PLCG2: variants seen among roughly 807,000 people sequenced by gnomAD.
PLCG2 encodes 1-phosphatidylinositol 4,5-bisphosphate phosphodiesterase gamma-2.
In PLCG2, 69 loss-of-function variants were observed where a neutral mutation model predicts 175.6. The ratio of observed to expected loss-of-function variants is 0.39; its 90% CI spans 0.32 to 0.48. The LOEUF is 0.48. Ranked by LOEUF, PLCG2 falls within the 20% of genes least tolerant of loss-of-function variation. The probability of loss-of-function intolerance (pLI) is 0.91; values close to 1 mark genes in which losing one functional copy is unlikely to be tolerated. For synonymous variants in PLCG2, 827 were observed against 624.0 expected, an observed-to-expected ratio of 1.33 and a Z score of -4.85; for missense variants, 1,798 against 1,650.9, an observed-to-expected ratio of 1.09 and a Z score of -1.54.
intron 14 of PLCG2, among the ~76,000 whole-genome samples, chr16:81,903,450 C>T (rs941040022): frequency 1.3e-5 from 2 of 152,236 alleles, no homozygotes; most frequent in Non-Finnish European, 2.9e-5. Flanking sequence ...GACTGTGACC[C>T]TTAAGGTACA....
At chr16:81,876,949 G>A (rs898548368) in intron 7 of PLCG2, among the ~76,000 whole-genome samples, 1 of 152,188 alleles carries the variant, frequency 6.6e-6, no homozygotes, top group Non-Finnish European at 1.5e-5. Flanking sequence ...TTACCAAGGT[G>A]GGCCTGGGTT....
intron 2 of PLCG2, among the ~76,000 whole-genome samples, chr16:81,763,910 T>C (rs1416649114): frequency 1.3e-5 from 2 of 151,990 alleles, no homozygotes; most frequent in Non-Finnish European, 2.9e-5. Context: ...GAGGTTTCAG[T>C]GAGCCAAGAT....
At chr16:81,916,331 A>G (rs963692130) in intron 19 of PLCG2, among the ~76,000 whole-genome samples, 1 of 152,092 alleles carries the variant, frequency 6.6e-6, no homozygotes. Context: ...AAAGAAAAAA[A>G]TAAATATTTT....
At chr16:81,803,649 C>CTCCCTCCCTCCG (rs1911857510) in intron 2 of PLCG2, among the ~76,000 whole-genome samples, 1 of 36,364 alleles carries the variant, frequency 2.7e-5, no homozygotes. Flanking sequence ...CCCTCCCTCC[C>CTCCCTCCCTCCG]TCCCTCCCTC....
chr16:81,919,530 C>A lies in PLCG2; in HGVS notation c.2101C>A (p.His701Asn). Residue 701 changes from histidine (H) to asparagine (N), a missense_variant, in exon 20 of 33, where the codon CAC (histidine) becomes AAC (asparagine). His to Asn is a moderately conservative substitution (Grantham distance 68). Coordinates refer to ENST00000564138, the MANE Select transcript of PLCG2 (RefSeq NM_002661.5). ...TTGTCGCATCAACCGGGACGGCCGG[C>A]ACTTTGTGCTGGGGACCTCCGCCTA... is the stretch of plus-strand genomic sequence containing the variant. ...KHCRINRDGR[H>N]FVLGTSAYFE... 6.2e-7 allele frequency: 1 copy of A among 1,614,148 alleles called. No homozygotes were observed. The highest frequency in any genetic ancestry group is 8.5e-7 in the Non-Finnish European group (1 of 1,180,032).
At chr16:81,743,202 A>G (rs1303529802) in intron 1 of PLCG2, among the ~76,000 whole-genome samples, 2 of 152,128 alleles carry the variant, frequency 1.3e-5, no homozygotes, top group Non-Finnish European at 2.9e-5. Flanking sequence ...GAAGAAAAAG[A>G]TAGCTGGGCA....
At position 81,846,552 on chromosome 16, in the gene PLCG2, A is replaced by G. The variant is rs73590847; in HGVS notation, c.194-7892A>G. 9.7e-3 allele frequency among the ~76,000 whole-genome samples: 1,478 copies of G among 152,344 alleles called. 25 individuals carry two copies. The highest frequency in any genetic ancestry group is 0.032 in the African/African-American group (1,332 of 41,564). Reference sequence around the variant, plus strand: ...GCATTTATTTTTATCCTCAAGGATGAGGCTACTGTATCTGTAAGACCCTTG... The same window carrying G: ...GCATTTATTTTTATCCTCAAGGATGGGGCTACTGTATCTGTAAGACCCTTG... On this transcript the variant is annotated intron_variant, in intron 2 of 32. Transcript: ENST00000564138.
intron 4 of PLCG2, 150 bp from the exon 5 acceptor site, chr16:81,858,966 C>A (rs1195637224): frequency 3.7e-6 from 2 of 547,090 alleles, no homozygotes; most frequent in Non-Finnish European, 6.5e-6. Context: ...TAGGAGGAAA[C>A]TGCTTCCCAA....
Position 81,869,195 on chromosome 16 carries a change from G to A in PLCG2, c.480-19G>A, listed in dbSNP as rs1462539585. 1 of 1,603,404 alleles carries A rather than the reference G, an allele frequency of 6.2e-7. No individual in the cohort carries two copies. The highest frequency in any genetic ancestry group is 1.7e-5 in the Admixed American group (1 of 59,988). ...TGAAAACCCTCAAGGTGACAGAACT[G>A]GGTCTCCCTCTTTTGCAGCATCAGT... On this transcript the variant is annotated intron_variant, in intron 5 of 32. Transcript: ENST00000564138.
intron 9 of PLCG2, among the ~76,000 whole-genome samples, chr16:81,887,994 C>G (rs1161331424): frequency 6.6e-6 from 1 of 151,798 alleles, no homozygotes; most frequent in East Asian, 1.9e-4. Flanking sequence ...GAAAAGAGGG[C>G]ATATGATTAC....
At chr16:81,801,132 T>C (rs1911700440) in intron 2 of PLCG2, among the ~76,000 whole-genome samples, 1 of 152,182 alleles carries the variant, frequency 6.6e-6, no homozygotes, top group South Asian at 2.1e-4. Flanking sequence ...TGAGTAAAGC[T>C]ATTATGCATG....
At chr16:81,809,263 G>A (rs559744917) in intron 2 of PLCG2, among the ~76,000 whole-genome samples, 5 of 152,254 alleles carry the variant, frequency 3.3e-5, no homozygotes, top group Non-Finnish European at 7.4e-5. Context: ...CTGCTAGCCT[G>A]TGGTGCAGGA....
chr16:81,910,753 G>A (rs374977911), intron 18 of PLCG2, 33 bp downstream of exon 18: 100 of 1,588,438 alleles, frequency 6.3e-5, no homozygotes, highest in Middle Eastern at 1.7e-4. Context: ...GGAGGCAGGC[G>A]GTGGTCGGGT....
At chr16:81,931,877 G>A (rs1054608501) in intron 25 of PLCG2, among the ~76,000 whole-genome samples, 3 of 152,182 alleles carry the variant, frequency 2.0e-5, no homozygotes, top group African/African-American at 4.8e-5. Context: ...TGTCTGGTTC[G>A]AACCTTCAGA....
intron 13 of PLCG2, among the ~76,000 whole-genome samples, chr16:81,900,396 G>C (rs1172215115): frequency 6.6e-6 from 1 of 152,250 alleles, no homozygotes; most frequent in Non-Finnish European, 1.5e-5. Context: ...GTATGGGGAA[G>C]CTCCTGAATC....
chr16:81,953,997 T>C lies in PLCG2; in HGVS notation c.3571-2698T>C, dbSNP rs578102523. 1.5e-3 allele frequency among the ~76,000 whole-genome samples: 226 copies of C among 152,266 alleles called. 1 individual carries two copies. The highest frequency in any genetic ancestry group is 6.8e-3 in the Middle Eastern group (2 of 294). The stretch of plus-strand genomic sequence containing the variant: ...AGGGAAAGAGAGACCTTTCATGGTA[T>C]AGTATTAAGACTTAAATGGGGTTTT... On this transcript the variant is annotated intron_variant, in intron 31 of 32. Transcript: ENST00000564138.
At chr16:81,839,956 C>T (rs1233098425) in intron 2 of PLCG2, among the ~76,000 whole-genome samples, 1 of 152,144 alleles carries the variant, frequency 6.6e-6, no homozygotes, top group East Asian at 1.9e-4. Context: ...CTTTGGGAGG[C>T]TGAGGCAGGA....
chr16:81,929,714 C>G (rs1910423026), intron 24 of PLCG2, among the ~76,000 whole-genome samples: 1 of 152,194 alleles, frequency 6.6e-6, no homozygotes, highest in African/African-American at 2.4e-5. Context: ...ACATTTATAA[C>G]CTGCTTCTTT....
rs909829423 is a variant in PLCG2 at position 81,959,025 on chromosome 16, C to T, written c.*1027C>T. The T allele has an allele frequency of 2.2e-5, 5 of 222,678 alleles. No individual in the cohort carries two copies. Among genetic ancestry groups the T allele is most frequent in the Non-Finnish European group, 3.6e-5 (4 of 111,464 alleles). 13.8% of individuals were successfully genotyped at this position (222,678 alleles called of 1,614,324 possible). A position where few individuals can be genotyped will look rare whatever the true frequency, so the allele number is the denominator to read the frequency against. On this transcript the variant is annotated 3_prime_UTR_variant, in exon 33 of 33. Coordinates refer to ENST00000564138, the MANE Select transcript of PLCG2 (RefSeq NM_002661.5). The stretch of plus-strand genomic sequence containing the variant: ...TCTACCTAGTTCATGACAGTATGTG[C>T]GGCTGGCCAGGGCTTTACACCTCTG...
Sources: allele counts gnomAD v4.1 joint callset (sites outside exome capture counted in the v4.1 genomes callset), GRCh38; gene constraint gnomAD v4.1.1; transcripts MANE v1.5; gene names NCBI Gene and HGNC (gene_info 2026-07-23, HGNC 2026-07-21).